CAMK4: variants seen among roughly 807,000 people sequenced by gnomAD.
CAMK4 encodes calcium/calmodulin dependent protein kinase IV.
A neutral mutation model predicts 44.9 loss-of-function variants in CAMK4; 22 were observed. The ratio of observed to expected loss-of-function variants is 0.49; its 90% confidence interval spans 0.35 to 0.70. CAMK4 has a LOEUF of 0.70. Ranked by LOEUF, CAMK4 falls within the 30% of genes least tolerant of loss-of-function variation. The pLI, the probability that CAMK4 is intolerant of heterozygous loss-of-function variation, is 0.01. For missense variants in CAMK4, 498 were observed against 586.8 expected, an observed-to-expected ratio of 0.85 and a Z score of 1.56; for synonymous variants, 218 against 215.4, an observed-to-expected ratio of 1.01 and a Z score of -0.11.
chr5:111,429,295 A>G (rs919265016), intron 5 of CAMK4, among the ~76,000 whole-genome samples: 2 of 152,176 alleles, frequency 1.3e-5, no homozygotes, highest in African/African-American at 4.8e-5. Context: ...CAGAGGTGTA[A>G]AAGGATTCAT....
At chr5:111,407,664 G>T (rs1406711097) in intron 5 of CAMK4, among the ~76,000 whole-genome samples, 1 of 152,170 alleles carries the variant, frequency 6.6e-6, no homozygotes, top group East Asian at 1.9e-4. Context: ...TGGCCTGTAT[G>T]TATTCTGTTC....
intron 1 of CAMK4, among the ~76,000 whole-genome samples, chr5:111,278,170 G>T (rs1305002797): frequency 1.3e-5 from 2 of 152,158 alleles, no homozygotes; most frequent in African/African-American, 4.8e-5. Context: ...TCCTTTTGCT[G>T]CCCTCCTACA....
chr5:111,277,156 T>C (rs549930265), intron 1 of CAMK4, among the ~76,000 whole-genome samples: 1 of 152,328 alleles, frequency 6.6e-6, no homozygotes, highest in East Asian at 1.9e-4. Context: ...TTTTGAGAAA[T>C]TAGATTTTAC....
chr5:111,348,865 C>T (rs887417543), intron 2 of CAMK4, among the ~76,000 whole-genome samples: 52 of 152,140 alleles, frequency 3.4e-4, no homozygotes, highest in African/African-American at 1.3e-3. Context: ...ATTTCAAGAT[C>T]TTGCACTCTC....
rs1245557631 is a variant in CAMK4 at position 111,344,008 on chromosome 5, CT to C, written c.162-11del. The C allele has an allele frequency of 9.9e-6, 15 of 1,522,648 alleles. No homozygotes were observed. The highest frequency in any genetic ancestry group is 3.6e-5 in the Admixed American group (2 of 55,620). The allele number at this position is 1,522,648 out of a possible 1,614,324, so 94.3% of individuals were successfully genotyped here. On this transcript the variant is annotated splice_polypyrimidine_tract_variant and intron_variant, in intron 1 of 10. Transcript: ENST00000282356. ...CCAAAGCATAACATTTTCTTTTTGTCTTTTTCCCCCTCAAGGGGTGCTACAT... is the reference window on the plus strand; with the variant it reads ...CCAAAGCATAACATTTTCTTTTTGTCTTTTCCCCCTCAAGGGGTGCTACAT...
chr5:111,309,057 G>A (rs77847784), intron 1 of CAMK4, among the ~76,000 whole-genome samples: 3 of 152,124 alleles, frequency 2.0e-5, no homozygotes, highest in Admixed American at 2.0e-4. Context: ...ATGGTTCTTG[G>A]ACCTGAGTAT....
chr5:111,298,690 C>T (rs1305097369), intron 1 of CAMK4, among the ~76,000 whole-genome samples: 2 of 152,232 alleles, frequency 1.3e-5, no homozygotes, highest in East Asian at 3.8e-4. Flanking sequence ...AGTTACTGCT[C>T]TTGCAGAGCA....
intron 1 of CAMK4, among the ~76,000 whole-genome samples, chr5:111,321,299 T>C (rs1263231824): frequency 1.3e-5 from 2 of 152,176 alleles, no homozygotes; most frequent in Non-Finnish European, 2.9e-5. Flanking sequence ...CAAGAGAAGC[T>C]GGAAATCTGA....
At chr5:111,448,004 G>T (rs990929339) in intron 6 of CAMK4, among the ~76,000 whole-genome samples, 26 of 152,198 alleles carry the variant, frequency 1.7e-4, no homozygotes, top group African/African-American at 6.3e-4. Flanking sequence ...TTTCTGAAGG[G>T]CTTCCTGCTG....
At chr5:111,261,520 T>A (rs1289579527) in intron 1 of CAMK4, among the ~76,000 whole-genome samples, 2 of 151,730 alleles carry the variant, frequency 1.3e-5, no homozygotes, top group African/African-American at 4.8e-5. Context: ...TTCAGTTTCC[T>A]CACCTCAATA....
At chr5:111,365,356 A>C (rs1750752478) in intron 2 of CAMK4, 1 of 152,166 alleles carries the variant, frequency 6.6e-6, no homozygotes, top group Non-Finnish European at 1.5e-5. Flanking sequence ...AGATGTTGTC[A>C]TGGAAATGAG....
chr5:111,421,651 TTTTG>T (rs1375960739), intron 5 of CAMK4, among the ~76,000 whole-genome samples: 8 of 152,200 alleles, frequency 5.3e-5, no homozygotes, highest in Admixed American at 2.0e-4. Context: ...TGTCTTGTTT[TTTTG>T]TTTGTTTGTT....
chr5:111,395,451 CTT>C (rs369721733), intron 5 of CAMK4, among the ~76,000 whole-genome samples: 4 of 136,662 alleles, frequency 2.9e-5, no homozygotes, highest in Non-Finnish European at 3.2e-5. Flanking sequence ...TTGTTCATTG[CTT>C]TTTTTTTTTT....
intron 1 of CAMK4, among the ~76,000 whole-genome samples, chr5:111,327,579 G>A (rs866544172): frequency 2.4e-3 from 354 of 149,264 alleles, no homozygotes; most frequent in African/African-American, 8.1e-3. Context: ...CTGAGGAATC[G>A]CCACACTGAC....
intron 1 of CAMK4, among the ~76,000 whole-genome samples, chr5:111,243,780 G>T (rs367904023): frequency 6.1e-4 from 93 of 152,298 alleles, no homozygotes; most frequent in African/African-American, 2.1e-3. Context: ...CACTGCTGGG[G>T]AATGTCAAGC....
intron 5 of CAMK4, among the ~76,000 whole-genome samples, chr5:111,430,434 T>C (rs921782889): frequency 6.6e-6 from 1 of 152,232 alleles, no homozygotes; most frequent in Non-Finnish European, 1.5e-5. Context: ...ACCACTGTTA[T>C]TTAACATAGT....
chr5:111,295,423 C>G (rs1333016146), intron 1 of CAMK4, among the ~76,000 whole-genome samples: 1 of 152,144 alleles, frequency 6.6e-6, no homozygotes, highest in Non-Finnish European at 1.5e-5. Flanking sequence ...AATTTTGGTT[C>G]AAGTTAGGTT....
chr5:111,465,090 T>C (rs1754777531), intron 7 of CAMK4, among the ~76,000 whole-genome samples: 1 of 152,186 alleles, frequency 6.6e-6, no homozygotes, highest in Non-Finnish European at 1.5e-5. Context: ...AATTCTGCCC[T>C]GTGGAGTTTC....
chr5:111,387,575 A>G (rs921229292), intron 4 of CAMK4, among the ~76,000 whole-genome samples: 3 of 152,176 alleles, frequency 2.0e-5, no homozygotes, highest in African/African-American at 7.2e-5. Context: ...GTCATGGCCA[A>G]TGTACTTGTG....
Sources: allele counts gnomAD v4.1 joint callset (sites outside exome capture counted in the v4.1 genomes callset), GRCh38; gene constraint gnomAD v4.1.1; transcripts MANE v1.5; gene names NCBI Gene and HGNC (gene_info 2026-07-23, HGNC 2026-07-21).